Variants in UNC80 observed in about 807,000 individuals in gnomAD.
UNC80 encodes protein unc-80 homolog.
UNC80 carries 164 observed loss-of-function variants against 384.6 expected under a neutral mutation model. The ratio of observed to expected loss-of-function variants is 0.43; its 90% confidence interval spans 0.38 to 0.49. The LOEUF (loss-of-function observed/expected upper bound fraction) is 0.49. UNC80 is among the 20% of genes least tolerant of loss of function. UNC80 has a pLI of 0.00. For synonymous variants in UNC80, 1,486 were observed against 1,527.8 expected (o/e 0.97, Z 0.64); for missense variants, 3,330 against 4,143.0 (o/e 0.80, Z 5.39).
Position 209,849,483 on chromosome 2 carries a change from A to G in UNC80, c.3487A>G (p.Asn1163Asp), listed in dbSNP as rs1453340838. 1.9e-6 allele frequency: 3 copies of G among 1,550,976 alleles called. 1 individual carries two copies. In the Admixed American group the frequency reaches 5.9e-5, roughly 30 times the overall value. The change falls in exon 22 of 65, where the codon AAC becomes GAC. Residue 1163 changes from asparagine (N) to aspartate (D), a missense_variant. Transcript: ENST00000673920. ...CAGTTTTGATGATCATCTCTCTCCC[A>G]ACCAAGATGGTGGAAAAAGCAAAAA... Reference protein sequence around the residue: ...CHSFDDHLSPNQDGGKSKNVV... With the variant: ...CHSFDDHLSPDQDGGKSKNVV...
At chr2:209,808,553 GC>G (rs2079068608) in intron 7 of UNC80, among the ~76,000 whole-genome samples, 1 of 151,668 alleles carries the variant, frequency 6.6e-6, no homozygotes, top group Non-Finnish European at 1.5e-5. Context: ...AGTAAGGCGG[GC>G]CCAGGCTGCT....
At chr2:209,781,075 G>T (rs967412805) in intron 4 of UNC80, among the ~76,000 whole-genome samples, 1 of 152,180 alleles carries the variant, frequency 6.6e-6, no homozygotes, top group African/African-American at 2.4e-5. Context: ...AGTGTTGCAG[G>T]ATGGGGCTTG....
At position 209,996,709 on chromosome 2, in the gene UNC80, A is replaced by G. The variant is rs1040098890; in HGVS notation, c.*1114A>G. 2.0e-4 allele frequency: 30 copies of G among 152,208 alleles called. 1 individual carries two copies. Among genetic ancestry groups the G allele is most frequent in the Admixed American group, 1.8e-3 (27 of 15,282 alleles). The allele number at this position is 152,208 out of a possible 1,614,324, so 9.4% of individuals were successfully genotyped here. ...AGTTCAATTACTTCAAGAAAAGTGT[A>G]ACACTTAGAAGGCTTGTGAGGCCAA... On this transcript the variant is annotated 3_prime_UTR_variant, in exon 65 of 65. Transcript: ENST00000673920.
chr2:209,876,027 G>A lies in UNC80; in HGVS notation c.3841-1927G>A, dbSNP rs1017469121. On this transcript the variant is annotated intron_variant, in intron 23 of 64. Transcript: ENST00000673920. ...TAGTTTTCCAGTCCCACAGCTCCCCGACCCTCTCCCTCTCTGAGCTGAATT... is the reference window on the plus strand; with the variant it reads ...TAGTTTTCCAGTCCCACAGCTCCCCAACCCTCTCCCTCTCTGAGCTGAATT... Among the ~76,000 whole-genome samples, 8 of 152,192 alleles carry A rather than the reference G, an allele frequency of 5.3e-5. No individual in the cohort carries two copies. In the South Asian group the frequency reaches 1.0e-3, roughly 20 times the overall value.
Position 209,794,580 on chromosome 2 carries a change from G to A in UNC80, c.938+721G>A, listed in dbSNP as rs533010391. Among the ~76,000 whole-genome samples, 38 of 152,286 alleles carry A rather than the reference G, an allele frequency of 2.5e-4. No individual in the cohort carries two copies. The Middle Eastern group carries it at 0.014, about 55-fold the overall frequency. ...CTATTTTAAGTTTACAGTTTTGTAT[G>A]GTTTGGCTGTGCCCCACTAAATCTC... On this transcript the variant is annotated intron_variant, in intron 7 of 64. Coordinates refer to ENST00000673920, the MANE Select transcript of UNC80 (RefSeq NM_001371986.1).
chr2:209,882,299 G>A (rs2085371173), intron 25 of UNC80, among the ~76,000 whole-genome samples: 1 of 152,068 alleles, frequency 6.6e-6, no homozygotes, highest in Non-Finnish European at 1.5e-5. Flanking sequence ...CTCGGCATGA[G>A]CAAGGCCGTG....
At chr2:209,982,847 C>G (rs2093188826) in intron 60 of UNC80, 1 of 151,904 alleles carries the variant, frequency 6.6e-6, no homozygotes, top group Non-Finnish European at 1.5e-5. Context: ...AAGATAACTT[C>G]TCATCTATAG....
chr2:209,793,117 A>G (rs1311451126), intron 6 of UNC80, among the ~76,000 whole-genome samples: 5 of 152,204 alleles, frequency 3.3e-5, no homozygotes, highest in South Asian at 2.1e-4. Flanking sequence ...TATAATGCCT[A>G]TGGAAAAATA....
chr2:209,809,404 C>T (rs2079169850), intron 7 of UNC80: 1 of 1,328,672 alleles, frequency 7.5e-7, no homozygotes, highest in Non-Finnish European at 1.1e-6. Context: ...TGGTGAGAAG[C>T]CCTTCTCCTG....
intron 4 of UNC80, among the ~76,000 whole-genome samples, chr2:209,778,695 A>G (rs541711252): frequency 1.3e-5 from 2 of 152,338 alleles, no homozygotes; most frequent in East Asian, 1.9e-4. Context: ...GTTCCAATGC[A>G]TGAAAAGAAA....
Position 209,933,977 on chromosome 2 carries a change from G to A in UNC80, c.6150G>A (p.Val2050=). Residue 2050 remains valine (V), a synonymous_variant, in exon 39 of 65, where the codon GTG becomes GTA. Transcript: ENST00000673920. ...KQTMKKEQCE[V]KLLVTASMPG... ...CGATGAAGAAGGAGCAGTGTGAGGT[G>A]AAGCTCCTGGTGACCGCTTCAATGC... 1 of 1,549,098 alleles carries A rather than the reference G, an allele frequency of 6.5e-7. No homozygotes were observed. The highest frequency in any genetic ancestry group is 8.7e-7 in the Non-Finnish European group (1 of 1,145,986).
chr2:209,800,407 C>G (rs1364580750), intron 7 of UNC80, among the ~76,000 whole-genome samples: 4 of 150,666 alleles, frequency 2.7e-5, no homozygotes, highest in Non-Finnish European at 5.9e-5. Context: ...TGGTGATATC[C>G]CCTTTATCAT....
chr2:209,951,289 C>CT (rs943158672), intron 47 of UNC80, among the ~76,000 whole-genome samples: 23 of 133,096 alleles, frequency 1.7e-4, no homozygotes, highest in South Asian at 2.4e-4. Context: ...TTAACGTGTC[C>CT]TTTTTTTTTC....
chr2:209,931,585 G>C (rs2090877766), intron 38 of UNC80, among the ~76,000 whole-genome samples: 2 of 152,092 alleles, frequency 1.3e-5, no homozygotes, highest in Non-Finnish European at 2.9e-5. Context: ...TTGGGGACTA[G>C]AACCTGATGA....
At chr2:209,962,064 G>T (rs2092607786) in intron 51 of UNC80, among the ~76,000 whole-genome samples, 1 of 152,136 alleles carries the variant, frequency 6.6e-6, no homozygotes, top group African/African-American at 2.4e-5. Context: ...TGGCCTCTCT[G>T]GTTAGCATTC....
chr2:209,932,162 C>T (rs1209267549), intron 38 of UNC80, among the ~76,000 whole-genome samples: 1 of 152,186 alleles, frequency 6.6e-6, no homozygotes, highest in East Asian at 1.9e-4. Flanking sequence ...TGCCAGGAGA[C>T]TCAACCTCCC....
rs2079967387 is a variant in UNC80, at chr2:209,819,205, G to C, written c.1906G>C (p.Glu636Gln). Residue 636 changes from glutamate (E) to glutamine (Q), a missense_variant, in exon 12 of 65, where the codon GAA becomes CAA. Physicochemically the swap from Glu to Gln is conservative, Grantham distance 29 (BLOSUM62 2). Transcript: ENST00000673920. Reference sequence around the variant, plus strand: ...AAACTACAGCTACCTAGAGGACACAGAACATATTGACGGGACCAATAACTT... The same window carrying C: ...AAACTACAGCTACCTAGAGGACACACAACATATTGACGGGACCAATAACTT... ...CINYSYLEDTEHIDGTNNFVH... is the reference protein window; with the variant it reads ...CINYSYLEDTQHIDGTNNFVH... 1.3e-6 allele frequency: 2 copies of C among 1,551,776 alleles called. No individual in the cohort carries two copies. Among genetic ancestry groups the C allele is most frequent in the African/African-American group, 2.7e-5 (2 of 73,024 alleles).
At chr2:209,794,764 C>T (rs1249055277) in intron 7 of UNC80, 2 of 453,680 alleles carry the variant, frequency 4.4e-6, no homozygotes, top group South Asian at 1.6e-5. Flanking sequence ...TTTGTCTCTT[C>T]TTCATTTTTC....
chr2:209,829,183 A>C, intron 14 of UNC80, 49 bp from the exon 15 acceptor site: 1 of 1,544,902 alleles, frequency 6.5e-7, no homozygotes, highest in Non-Finnish European at 8.8e-7. Context: ...CAGTATCCAT[A>C]GCTTAAGCTG....
Sources: gnomAD v4.1 joint callset for allele counts (sites outside exome capture counted in the v4.1 genomes callset) on GRCh38, gnomAD v4.1.1 for gene constraint, MANE v1.5 for transcripts, NCBI Gene and HGNC (gene_info 2026-07-23, HGNC 2026-07-21) for gene names.